The following PLD3 variants were observed in gnomAD, a reference collection of about 807,000 sequenced individuals.
PLD3 encodes the protein 5'-3' exonuclease PLD3.
A neutral mutation model predicts 58.4 loss-of-function variants in PLD3; 31 were observed. The ratio of observed to expected loss-of-function variants is 0.53; its 90% confidence interval spans 0.40 to 0.72. The LOEUF (loss-of-function observed/expected upper bound fraction) is 0.72, where lower values mean the gene tolerates loss of function less well. Among genes scored for constraint, PLD3 ranks in the 30% least tolerant of loss-of-function variants. The pLI is 0.00. For missense variants in PLD3, 595 were observed against 659.8 expected, an observed-to-expected ratio of 0.90 and a Z score of 1.08; for synonymous variants, 264 against 273.4, an observed-to-expected ratio of 0.97 and a Z score of 0.34.
chr19:40,367,113 C>A, intron 5 of PLD3, 198 bp downstream of exon 5: 2 of 594,146 alleles, frequency 3.4e-6, no homozygotes, highest in Non-Finnish European at 5.8e-6. Context: ...CATCTTCTGT[C>A]AGGCCTGTGA....
At chr19:40,370,072 C>T in intron 7 of PLD3, 38 bp from the exon 8 acceptor site, 1 of 1,583,246 alleles carries the variant, frequency 6.3e-7, no homozygotes, top group Non-Finnish European at 8.6e-7. Flanking sequence ...CTGGGGGTAC[C>T]CAGCCTGGCC....
intron 6 of PLD3, 84 bp downstream of exon 6, chr19:40,367,963 T>G: frequency 5.0e-6 from 6 of 1,201,080 alleles, no homozygotes; most frequent in East Asian, 2.6e-5. Context: ...GGGTTTCTCC[T>G]GCAGCCCAGG....
chr19:40,354,150 T>C (rs2078594107), intron 1 of PLD3, among the ~76,000 whole-genome samples: 1 of 146,316 alleles, frequency 6.8e-6, no homozygotes, highest in Admixed American at 7.1e-5. Context: ...CTCGGCTCAC[T>C]GCAACTTCCA....
chr19:40,361,593 C>G (rs1052123914), intron 1 of PLD3, among the ~76,000 whole-genome samples: 4 of 152,094 alleles, frequency 2.6e-5, no homozygotes, highest in Non-Finnish European at 5.9e-5. Flanking sequence ...ACACTGGCAT[C>G]CTCACTCTTC....
chr19:40,377,724 C>G, intron 11 of PLD3, 62 bp from the exon 12 acceptor site: 1 of 1,207,472 alleles, frequency 8.3e-7, no homozygotes, highest in Non-Finnish European at 1.2e-6. Context: ...GCTCCCTGAT[C>G]CCGGGGCTCC....
intron 6 of PLD3, among the ~76,000 whole-genome samples, 178 bp downstream of exon 6, chr19:40,368,057 C>T (rs577175304): frequency 1.3e-5 from 2 of 152,236 alleles, no homozygotes; most frequent in African/African-American, 2.4e-5. Flanking sequence ...GGACTGGGGG[C>T]GTTTGTCACG....
chr19:40,354,246 G>A (rs768094018), intron 1 of PLD3, among the ~76,000 whole-genome samples: 3 of 151,712 alleles, frequency 2.0e-5, no homozygotes, highest in Non-Finnish European at 2.9e-5. Context: ...GCTAATTTTT[G>A]TATTTTTAGT....
chr19:40,374,589 C>T lies in PLD3; in HGVS notation c.988C>T (p.Leu330=). ...CATCTACGTCGCTGTCATGAACTAC[C>T]TGCCCACTCTGGAGTTCTCCCACCC... The part of the protein sequence containing the change: ...SFIYVAVMNY[L]PTLEFSHPHR... Residue 330 remains leucine, a synonymous_variant, in exon 10 of 13, where the codon CTG becomes TTG. Coordinates refer to ENST00000409735, the MANE Select transcript of PLD3 (RefSeq NM_012268.4). 6.2e-7 allele frequency: 1 copy of T among 1,614,150 alleles called. No individual in the cohort carries two copies. Among genetic ancestry groups the T allele is most frequent in the South Asian group, 1.1e-5 (1 of 91,076 alleles).
At chr19:40,360,780 A>G (rs1480637128) in intron 1 of PLD3, among the ~76,000 whole-genome samples, 1 of 152,044 alleles carries the variant, frequency 6.6e-6, no homozygotes, top group Admixed American at 6.6e-5. Context: ...CCCTGTTCAC[A>G]TGACCTTCTG....
intron 1 of PLD3, among the ~76,000 whole-genome samples, chr19:40,353,469 G>A (rs2078569401): frequency 6.6e-6 from 1 of 152,130 alleles, no homozygotes; most frequent in Non-Finnish European, 1.5e-5. Flanking sequence ...CCAATGCTGT[G>A]CAACCTAAGC....
At chr19:40,372,969 C>T (rs1600330364) in intron 9 of PLD3, among the ~76,000 whole-genome samples, 1 of 152,372 alleles carries the variant, frequency 6.6e-6, no homozygotes, top group African/African-American at 2.4e-5. Context: ...ATTTCCATCA[C>T]TGTGACAGGC....
At chr19:40,355,894 G>A (rs1405332509) in intron 1 of PLD3, 1 of 152,180 alleles carries the variant, frequency 6.6e-6, no homozygotes, top group East Asian at 1.9e-4. Context: ...CACTGATTTT[G>A]AGCAGGAGTG....
intron 1 of PLD3, chr19:40,356,310 C>T (rs550487221): frequency 6.6e-6 from 1 of 152,630 alleles, no homozygotes; most frequent in South Asian, 2.1e-4. Context: ...GTACTGAGGA[C>T]ACCGGGGAGC....
intron 2 of PLD3, 133 bp downstream of exon 2, chr19:40,366,063 G>A: frequency 4.0e-6 from 1 of 250,620 alleles, no homozygotes; most frequent in Non-Finnish European, 7.8e-6. Context: ...CCCTGTCCCA[G>A]GGCTGAGAAA....
At chr19:40,355,372 G>A (rs1436152490) in intron 1 of PLD3, among the ~76,000 whole-genome samples, 1 of 151,394 alleles carries the variant, frequency 6.6e-6, no homozygotes, top group East Asian at 1.9e-4. Flanking sequence ...AAGTGCAGTG[G>A]CGTGATCTCA....
intron 1 of PLD3, chr19:40,359,668 G>A (rs1253962262): frequency 2.0e-5 from 3 of 152,066 alleles, no homozygotes; most frequent in African/African-American, 7.2e-5. Context: ...TTCCATAGAA[G>A]TTATATGTGC....
At chr19:40,366,563 G>C in intron 3 of PLD3, 47 bp from the exon 4 acceptor site, 1 of 1,590,230 alleles carries the variant, frequency 6.3e-7, no homozygotes, top group South Asian at 1.1e-5. Context: ...TGGGGGTGGG[G>C]GTTCCCAAGA....
intron 1 of PLD3, among the ~76,000 whole-genome samples, chr19:40,364,519 C>T (rs1365909552): frequency 6.6e-6 from 1 of 151,270 alleles, no homozygotes; most frequent in Non-Finnish European, 1.5e-5. Flanking sequence ...CGGCTGGGCG[C>T]GGTGGCTCAT....
At position 40,367,892 on chromosome 19, in the gene PLD3, T is replaced by C; in HGVS notation, c.429+13T>C. The C allele has an allele frequency of 6.6e-7, 1 of 1,526,242 alleles. No individual in the cohort carries two copies. 94.5% of individuals were successfully genotyped at this position (1,526,242 alleles called of 1,614,324 possible). A position where few individuals can be genotyped will look rare whatever the true frequency, so the allele number is the denominator to read the frequency against. On this transcript the variant is annotated intron_variant, in intron 6 of 12. Transcript: ENST00000409735. The stretch of plus-strand genomic sequence containing the variant: ...CTCTGCCCAGCAGGTACCTGCAACC[T>C]TGGCCCTGGCCGGCAGCAGGGGCAG...
Sources: allele counts gnomAD v4.1 joint callset (sites outside exome capture counted in the v4.1 genomes callset), GRCh38; gene constraint gnomAD v4.1.1; transcripts MANE v1.5; gene names NCBI Gene and HGNC (gene_info 2026-07-23, HGNC 2026-07-21).